CUL2: variants seen among roughly 807,000 people sequenced by gnomAD.
The protein encoded by CUL2 is cullin 2.
Under a neutral mutation model 110.2 loss-of-function variants are expected in CUL2, and 22 were observed. The observed-to-expected ratio is 0.20, with a 90% CI of 0.14 to 0.28. The LOEUF is 0.28. Among genes scored for constraint, CUL2 ranks in the 10% least tolerant of loss-of-function variants. The probability of loss-of-function intolerance (pLI) is 1.00; values close to 1 mark genes in which losing one functional copy is unlikely to be tolerated. For synonymous variants in CUL2, 279 were observed against 293.2 expected (o/e 0.95, Z 0.49); for missense variants, 631 against 905.5 (o/e 0.70, Z 3.89).
intron 19 of CUL2, 91 bp from the exon 20 acceptor site, chr10:35,012,055 T>A (rs1044441596): frequency 4.9e-5 from 12 of 243,660 alleles, no homozygotes; most frequent in South Asian, 1.1e-4. Context: ...TGCAAATACT[T>A]TTTTTTTTTT....
chr10:35,039,982 G>A (rs1346166848), intron 8 of CUL2, among the ~76,000 whole-genome samples: 3 of 152,056 alleles, frequency 2.0e-5, no homozygotes, highest in Non-Finnish European at 2.9e-5. Flanking sequence ...GTGAAACCCC[G>A]TCTCTACAAA....
chr10:35,012,308 T>A (rs188596500), intron 19 of CUL2, among the ~76,000 whole-genome samples: 33 of 152,096 alleles, frequency 2.2e-4, no homozygotes, highest in African/African-American at 7.0e-4. Context: ...TAGAAAAAAA[T>A]TTACATTATT....
At chr10:35,061,181 A>G (rs2086371290) in intron 3 of CUL2, among the ~76,000 whole-genome samples, 1 of 152,188 alleles carries the variant, frequency 6.6e-6, no homozygotes, top group Non-Finnish European at 1.5e-5. Context: ...TCCATAATAG[A>G]GAATAAACTG....
At chr10:35,052,670 C>T (rs576336065) in intron 5 of CUL2, among the ~76,000 whole-genome samples, 39 of 152,106 alleles carry the variant, frequency 2.6e-4, no homozygotes, top group Admixed American at 5.2e-4. Context: ...CGGAGGCAGG[C>T]GGATCACAAG....
chr10:35,014,192 T>A (rs1334517872), intron 18 of CUL2, among the ~76,000 whole-genome samples: 1 of 152,212 alleles, frequency 6.6e-6, no homozygotes, highest in Non-Finnish European at 1.5e-5. Context: ...AACCACATTT[T>A]TTTTTACAAA....
chr10:35,117,528 CTTTTT>C (rs5784440), intron 1 of CUL2, among the ~76,000 whole-genome samples: 1 of 138,332 alleles, frequency 7.2e-6, no homozygotes, highest in Non-Finnish European at 1.6e-5. Context: ...CTGCAACTGG[CTTTTT>C]TTTTTTTTTT....
rs2084913621 is a variant in CUL2 at position 35,011,956 on chromosome 10, C to T, written c.1998G>A (p.Glu666=). ...SMQKDTPQEM[E]QTRSAVDEDR... ...CCTCATCAACTGCACTTCTAGTCTG[C>T]TCCATTTCCTGTTTTACAGAAGAAA... The change falls in exon 20 of 21, where the codon GAG becomes GAA. Residue 666 remains glutamate, a synonymous_variant. Transcript: ENST00000374749. 1.3e-6 allele frequency: 2 copies of T among 1,587,374 alleles called. No homozygotes were observed. Among genetic ancestry groups the T allele is most frequent in the African/African-American group, 1.3e-5 (1 of 74,098 alleles).
At chr10:35,015,416 A>G (rs1185742309) in intron 18 of CUL2, among the ~76,000 whole-genome samples, 1 of 152,190 alleles carries the variant, frequency 6.6e-6, no homozygotes, top group African/African-American at 2.4e-5. Flanking sequence ...TCAGTTATAG[A>G]CTATAAAATG....
chr10:35,033,265 T>C lies in CUL2; in HGVS notation c.1011A>G (p.Thr337=), dbSNP rs1405947119. The change falls in exon 11 of 21, where the codon ACA becomes ACG. Residue 337 remains threonine (T), a synonymous_variant. Transcript: ENST00000374749. ...TSNLTQENMP[T]LFVESVLEVH... is the part of the protein sequence containing the mutation. ...CTTCCAAAACTGACTCCACAAATAG[T>C]GTTGGCATCTAAAAATGAAATATAA... The C allele has an allele frequency of 1.2e-6, 2 of 1,610,318 alleles. No individual in the cohort carries two copies. The highest frequency in any genetic ancestry group is 1.3e-5 in the African/African-American group (1 of 74,956).
chr10:35,078,210 T>G (rs910125544), intron 1 of CUL2, among the ~76,000 whole-genome samples: 2 of 152,146 alleles, frequency 1.3e-5, no homozygotes, highest in Non-Finnish European at 2.9e-5. Context: ...TGTGTTAACA[T>G]AGCCTGACAA....
At chr10:35,051,541 G>A (rs1252629222) in intron 5 of CUL2, among the ~76,000 whole-genome samples, 3 of 150,126 alleles carry the variant, frequency 2.0e-5, no homozygotes, top group Non-Finnish European at 4.4e-5. Flanking sequence ...TGAACCGGCC[G>A]GGCGGAGCCT....
At chr10:35,124,505 A>G (rs1254060807) in intron 1 of CUL2, among the ~76,000 whole-genome samples, 1 of 152,144 alleles carries the variant, frequency 6.6e-6, no homozygotes, top group Non-Finnish European at 1.5e-5. Flanking sequence ...TGAAGAAGTG[A>G]ATACAACCCC....
chr10:35,063,973 T>C (rs2086453331), intron 2 of CUL2: 2 of 152,178 alleles, frequency 1.3e-5, no homozygotes, highest in African/African-American at 4.8e-5. Context: ...AACAGCTCAT[T>C]TGTCCACAGG....
At chr10:35,083,493 A>G (rs2086989828) in intron 1 of CUL2, among the ~76,000 whole-genome samples, 1 of 152,192 alleles carries the variant, frequency 6.6e-6, no homozygotes, top group Non-Finnish European at 1.5e-5. Flanking sequence ...ATTCTCCAAA[A>G]AAAGGAACCA....
chr10:35,025,132 C>A lies in CUL2; in HGVS notation c.1684G>T (p.Gly562Cys). Residue 562 changes from glycine to cysteine, a missense_variant and splice_region_variant, in exon 17 of 21, where the codon GGT becomes TGT. Physicochemically the swap from Gly to Cys is radical, Grantham distance 159. Coordinates refer to ENST00000374749, the MANE Select transcript of CUL2 (RefSeq NM_003591.4). ...CCAGATATAATTAAATGCATTTTAC[C>A]TGTACACAGATAATGTAACCATGTA... Reference protein sequence around the residue: ...KLTWLHYLCTGEVKMNYLGKP... With the variant: ...KLTWLHYLCTCEVKMNYLGKP... 6.5e-7 allele frequency: 1 copy of A among 1,543,724 alleles called. No homozygotes were observed. The highest frequency in any genetic ancestry group is 8.7e-7 in the Non-Finnish European group (1 of 1,150,594).
At chr10:35,094,277 C>T (rs928573478), upstream of CUL2, among the ~76,000 whole-genome samples, 4 of 151,846 alleles carry the variant, frequency 2.6e-5, no homozygotes, top group Non-Finnish European at 4.4e-5. Flanking sequence ...CTCTTGTTGC[C>T]CAGGCTGGAG....
At chr10:35,018,655 CCG>C (rs946390920) in intron 17 of CUL2, among the ~76,000 whole-genome samples, 4 of 150,568 alleles carry the variant, frequency 2.7e-5, no homozygotes, top group African/African-American at 9.8e-5. Flanking sequence ...CTCATCTACT[CCG>C]GAGGCTGAGG....
intron 1 of CUL2, among the ~76,000 whole-genome samples, chr10:35,101,248 C>T (rs181100595): frequency 6.0e-4 from 91 of 152,332 alleles, no homozygotes; most frequent in African/African-American, 2.2e-3. Context: ...AAGCCATCAA[C>T]AGACATTCAC....
At chr10:35,085,768 C>T (rs1216475826) in intron 1 of CUL2, among the ~76,000 whole-genome samples, 1 of 150,904 alleles carries the variant, frequency 6.6e-6, no homozygotes, top group East Asian at 1.9e-4. Flanking sequence ...GACATTTTTC[C>T]AGAATACACA....
Sources: gnomAD v4.1 joint callset for allele counts (sites outside exome capture counted in the v4.1 genomes callset) on GRCh38, gnomAD v4.1.1 for gene constraint, MANE v1.5 for transcripts, NCBI Gene and HGNC (gene_info 2026-07-23, HGNC 2026-07-21) for gene names.